Variants in ACOXL observed in about 807,000 individuals in gnomAD.
The protein encoded by ACOXL is acyl-coenzyme A oxidase-like protein.
ACOXL carries 70 observed loss-of-function variants against 71.9 expected under a neutral mutation model. That is an observed-to-expected ratio of 0.97 (90% CI 0.80 to 1.19). ACOXL has a LOEUF of 1.19. Ranked by LOEUF, ACOXL falls within the 50% of genes most tolerant of loss-of-function variation. The pLI is 0.00. For synonymous variants in ACOXL, 253 were observed against 281.6 expected, an observed-to-expected ratio of 0.90 and a Z score of 1.02; for missense variants, 703 against 736.3, an observed-to-expected ratio of 0.95 and a Z score of 0.52.
intron 10 of ACOXL, among the ~76,000 whole-genome samples, chr2:110,895,212 C>G (rs2058958859): frequency 6.6e-6 from 1 of 151,594 alleles, no homozygotes; most frequent in Non-Finnish European, 1.5e-5. Flanking sequence ...TCTAAGCAAA[C>G]AAATAGAAGA....
intron 16 of ACOXL, among the ~76,000 whole-genome samples, chr2:111,064,100 A>C (rs1318035108): frequency 2.6e-5 from 4 of 152,194 alleles, no homozygotes; most frequent in Non-Finnish European, 2.9e-5. Context: ...CAGGATCAAC[A>C]CTCAGATACC....
rs376476951 is a variant in ACOXL at position 110,798,999 on chromosome 2, C to T, written c.461-15C>T. ...AGGAAGGAGAGCTTAATAATGATCT[C>T]GATGCCTTCCTTAGGGCCCCACTGT... is the stretch of plus-strand genomic sequence containing the variant. On this transcript the variant is annotated splice_polypyrimidine_tract_variant and intron_variant, in intron 6 of 17. Transcript: ENST00000439055. The T allele has an allele frequency of 7.3e-5, 118 of 1,612,540 alleles. No individual in the cohort carries two copies. Among genetic ancestry groups the T allele is most frequent in the South Asian group, 1.9e-4 (17 of 91,038 alleles).
At chr2:110,904,092 A>T (rs751914979) in intron 10 of ACOXL, among the ~76,000 whole-genome samples, 16 of 152,192 alleles carry the variant, frequency 1.1e-4, no homozygotes, top group Admixed American at 2.6e-4. Context: ...GAGAAGTGAG[A>T]GTAAACTCCC....
At position 110,886,380 on chromosome 2, in the gene ACOXL, C is replaced by CTTTT. The variant is rs751607372; in HGVS notation, c.789-22395_789-22392dup. Among the ~76,000 whole-genome samples, 446 of 131,460 alleles carry CTTTT rather than the reference C, an allele frequency of 3.4e-3. 7 individuals are homozygous for CTTTT. The highest frequency in any genetic ancestry group is 4.9e-3 in the Non-Finnish European group (306 of 62,494). 86.2% of individuals were successfully genotyped at this position (131,460 alleles called of 152,430 possible). ...TGGACTTTACCCTATCCTTCTTTTT[C>CTTTT]TTTTTTTTTTTTTTTTTAATGGATT... On this transcript the variant is annotated intron_variant, in intron 10 of 17. Transcript: ENST00000439055.
At chr2:110,787,016 A>G (rs1027306511) in intron 3 of ACOXL, among the ~76,000 whole-genome samples, 11 of 151,828 alleles carry the variant, frequency 7.2e-5, no homozygotes, top group African/African-American at 2.7e-4. Context: ...AAGACATGAT[A>G]TGATGTCAGG....
chr2:111,076,229 T>C (rs1312640965), intron 16 of ACOXL, among the ~76,000 whole-genome samples: 2 of 152,220 alleles, frequency 1.3e-5, no homozygotes, highest in African/African-American at 4.8e-5. Context: ...ATCTGTCTAC[T>C]TATCCTTTCC....
chr2:110,919,016 C>A (rs140989238), intron 11 of ACOXL, among the ~76,000 whole-genome samples: 1 of 152,094 alleles, frequency 6.6e-6, no homozygotes, highest in African/African-American at 2.4e-5. Flanking sequence ...GGATCTAGAA[C>A]CAGAAATACC....
At chr2:110,974,423 A>C (rs780474657) in intron 12 of ACOXL, among the ~76,000 whole-genome samples, 21 of 152,276 alleles carry the variant, frequency 1.4e-4, no homozygotes, top group Non-Finnish European at 2.4e-4. Flanking sequence ...ATTATTTGCC[A>C]GGGCAGAGGT....
intron 12 of ACOXL, among the ~76,000 whole-genome samples, chr2:110,958,469 A>G (rs1344468721): frequency 6.6e-6 from 1 of 152,142 alleles, no homozygotes; most frequent in East Asian, 1.9e-4. Flanking sequence ...AAGGACAGGG[A>G]TGAGGTTTTA....
intron 16 of ACOXL, among the ~76,000 whole-genome samples, chr2:111,056,142 G>A (rs1401982946): frequency 6.6e-6 from 1 of 151,762 alleles, no homozygotes; most frequent in Non-Finnish European, 1.5e-5. Context: ...CGAGGTGGCA[G>A]TGAGCTATGT....
intron 2 of ACOXL, among the ~76,000 whole-genome samples, chr2:110,770,897 C>G (rs756396813): frequency 6.6e-6 from 1 of 152,202 alleles, no homozygotes; most frequent in Non-Finnish European, 1.5e-5. Context: ...AATTGCAGCC[C>G]GACCCGCTGA....
At chr2:110,853,782 A>G (rs761552894) in intron 10 of ACOXL, among the ~76,000 whole-genome samples, 2 of 152,138 alleles carry the variant, frequency 1.3e-5, no homozygotes, top group African/African-American at 4.8e-5. Context: ...CCTTGTTGAT[A>G]ATCTACAAAG....
In ACOXL at chr2:110,969,225, G is replaced by C. The variant is rs538017333; in HGVS notation, c.1060-17883G>C. Among the ~76,000 whole-genome samples the C allele has an allele frequency of 3.3e-5, 5 of 152,154 alleles. No homozygotes were observed. The South Asian group carries it at 1.0e-3, about 32-fold the overall frequency. ...AATGCTTATTTAAGAAAAGAGGAAA[G>C]GTCTCAACTCATTCACCTAAATCCC... On this transcript the variant is annotated intron_variant, in intron 12 of 17. Transcript: ENST00000439055.
intron 1 of ACOXL, among the ~76,000 whole-genome samples, chr2:110,762,982 C>T (rs936073371): frequency 2.6e-5 from 4 of 152,050 alleles, no homozygotes; most frequent in Non-Finnish European, 5.9e-5. Context: ...TTTCTTCAAC[C>T]TACATTGAGT....
chr2:110,827,777 G>T (rs1044976805), intron 9 of ACOXL, among the ~76,000 whole-genome samples: 2 of 152,036 alleles, frequency 1.3e-5, no homozygotes, highest in African/African-American at 4.8e-5. Flanking sequence ...GAGGAGAGGA[G>T]GGCAAGGGGA....
At chr2:110,816,497 C>T (rs1461381332) in intron 9 of ACOXL, among the ~76,000 whole-genome samples, 1 of 152,182 alleles carries the variant, frequency 6.6e-6, no homozygotes, top group Non-Finnish European at 1.5e-5. Context: ...TTGTGCACCC[C>T]AGGGTATTTT....
intron 1 of ACOXL, among the ~76,000 whole-genome samples, chr2:110,756,467 G>C (rs1378839165): frequency 1.3e-5 from 2 of 152,160 alleles, no homozygotes; most frequent in East Asian, 3.8e-4. Flanking sequence ...CATTTCTTCA[G>C]TTCCTTTGGG....
chr2:111,070,099 C>G (rs112323532), intron 16 of ACOXL, among the ~76,000 whole-genome samples: 100 of 152,148 alleles, frequency 6.6e-4, no homozygotes, highest in African/African-American at 2.0e-3. Context: ...AAAAAGATGT[C>G]TTTGAGCTAA....
intron 11 of ACOXL, among the ~76,000 whole-genome samples, chr2:110,918,171 A>G (rs1398132191): frequency 2.0e-5 from 3 of 152,216 alleles, no homozygotes; most frequent in Admixed American, 1.3e-4. Context: ...CTACAAGGCT[A>G]CAGTAACCAA....
Sources: allele counts gnomAD v4.1 joint callset (sites outside exome capture counted in the v4.1 genomes callset), GRCh38; gene constraint gnomAD v4.1.1; transcripts MANE v1.5; gene names NCBI Gene and HGNC (gene_info 2026-07-23, HGNC 2026-07-21).